BLTP3B: variants seen among roughly 807,000 people sequenced by gnomAD.
BLTP3B encodes bridge-like lipid transfer protein family member 3B, also known as UHRF1 (ICBP90) binding protein 1-like.
At chr12:100,134,805 CTCTCT>C in the BLTP3B span, among the ~76,000 whole-genome samples, 1 of 152,154 alleles carries the variant, frequency 6.6e-6, no homozygotes, top group African/African-American at 2.4e-5. Context: ...TACTGCTCTC[CTCTCT>C]TCTCTATCAA....
chr12:100,124,959 TATATATATATATA>T, the BLTP3B span, among the ~76,000 whole-genome samples: 1 of 106,176 alleles, frequency 9.4e-6, no homozygotes, highest in South Asian at 2.7e-4. Flanking sequence ...TATATATATA[TATATATATATATA>T]TATATATTTA....
the BLTP3B span, chr12:100,089,181 C>A: frequency 8.4e-7 from 1 of 1,191,016 alleles, no homozygotes; most frequent in South Asian, 2.0e-5. Flanking sequence ...AGTCGAAAGT[C>A]ATGAAAAATA....
the BLTP3B span, chr12:100,057,642 A>T: frequency 1.2e-6 from 2 of 1,612,858 alleles, no homozygotes; most frequent in Non-Finnish European, 1.7e-6. Flanking sequence ...CATGCTGTCA[A>T]GTGAAATGGT....
chr12:100,105,396 A>C, the BLTP3B span, among the ~76,000 whole-genome samples: 46 of 152,296 alleles, frequency 3.0e-4, no homozygotes, highest in African/African-American at 1.1e-3. Flanking sequence ...AAATACTAAC[A>C]ATCAACTGAT....
chr12:100,064,661 G>C, the BLTP3B span, among the ~76,000 whole-genome samples: 8 of 151,948 alleles, frequency 5.3e-5, no homozygotes, highest in African/African-American at 1.9e-4. Flanking sequence ...ACAATTATCA[G>C]CCAAGAATTC....
chr12:100,115,856 A>G, the BLTP3B span, among the ~76,000 whole-genome samples: 1 of 152,036 alleles, frequency 6.6e-6, no homozygotes, highest in South Asian at 2.1e-4. Context: ...AAAACCAAAA[A>G]CCAACTAATG....
the BLTP3B span, among the ~76,000 whole-genome samples, chr12:100,131,602 G>C: frequency 1.3e-5 from 2 of 152,090 alleles, no homozygotes; most frequent in Non-Finnish European, 2.9e-5. Context: ...TCAATAAACT[G>C]TCAATCAAAC....
At chr12:100,062,712 A>G in the BLTP3B span, among the ~76,000 whole-genome samples, 1 of 152,222 alleles carries the variant, frequency 6.6e-6, no homozygotes, top group Non-Finnish European at 1.5e-5. Flanking sequence ...CTGTAATCCC[A>G]GCGCTTTGGG....
the BLTP3B span, chr12:100,128,670 T>C: frequency 7.8e-7 from 1 of 1,288,550 alleles, no homozygotes; most frequent in Non-Finnish European, 1.0e-6. Context: ...TGGTACTCAT[T>C]TGGGTGATTA....
the BLTP3B span, chr12:100,048,192 G>A: frequency 5.7e-6 from 9 of 1,573,836 alleles, no homozygotes; most frequent in East Asian, 4.5e-5. Flanking sequence ...CTTTCTGATC[G>A]GAACCTAAGG....
the BLTP3B span, among the ~76,000 whole-genome samples, chr12:100,132,751 C>A: frequency 1.3e-5 from 2 of 151,642 alleles, no homozygotes; most frequent in African/African-American, 4.9e-5. Flanking sequence ...GTCTTGAGAC[C>A]AGCCTAGCCA....
chr12:100,095,790 A>T, the BLTP3B span: 1 of 1,613,096 alleles, frequency 6.2e-7, no homozygotes, highest in East Asian at 2.2e-5. Context: ...ATAATAAGTC[A>T]TCCAATATTA....
the BLTP3B span, among the ~76,000 whole-genome samples, chr12:100,045,727 T>C: frequency 6.6e-6 from 1 of 152,136 alleles, no homozygotes; most frequent in East Asian, 1.9e-4. Context: ...AATTGACAAA[T>C]GGGATCTAAT....
At chr12:100,139,992 G>A in the BLTP3B span, among the ~76,000 whole-genome samples, 1 of 152,128 alleles carries the variant, frequency 6.6e-6, no homozygotes, top group African/African-American at 2.4e-5. Flanking sequence ...TTAGAAACTA[G>A]TATGTTCAAC....
At chr12:100,118,968 G>C in the BLTP3B span, among the ~76,000 whole-genome samples, 1 of 152,066 alleles carries the variant, frequency 6.6e-6, no homozygotes, top group Non-Finnish European at 1.5e-5. Flanking sequence ...TGGGCTTAGT[G>C]GCATGCACCT....
chr12:100,097,704 T>C, the BLTP3B span, among the ~76,000 whole-genome samples: 2 of 152,340 alleles, frequency 1.3e-5, no homozygotes, highest in South Asian at 2.1e-4. Context: ...ATATTCATCA[T>C]ATGTAAAGCT....
the BLTP3B span, among the ~76,000 whole-genome samples, chr12:100,109,228 A>T: frequency 7.9e-4 from 115 of 145,434 alleles, no homozygotes; most frequent in African/African-American, 2.8e-3. Context: ...CCACCATGTA[A>T]AACATGCCTT....
At chr12:100,098,451 T>C in the BLTP3B span, 12 of 1,614,102 alleles carry the variant, frequency 7.4e-6, no homozygotes, top group Non-Finnish European at 1.0e-5. Context: ...GTTCAAATGA[T>C]GCATTGAAGG....
the BLTP3B span, chr12:100,060,024 A>G: frequency 6.2e-7 from 1 of 1,601,196 alleles, no homozygotes; most frequent in Non-Finnish European, 8.5e-7. Context: ...TCAGCTGGCT[A>G]TAGAGGTTGG....
Sources: allele counts gnomAD v4.1 joint callset (sites outside exome capture counted in the v4.1 genomes callset), GRCh38; gene constraint gnomAD v4.1.1; transcripts MANE v1.5; gene names NCBI Gene and HGNC (gene_info 2026-07-23, HGNC 2026-07-21).